ATXN1: variants seen among roughly 807,000 people sequenced by gnomAD.
ATXN1 encodes the protein ataxin 1.
In ATXN1, 8 loss-of-function variants were observed where a neutral mutation model predicts 56.4. The ratio of observed to expected loss-of-function variants is 0.14; its 90% CI spans 0.08 to 0.26. The LOEUF is 0.26. ATXN1 is among the 10% of genes least tolerant of loss of function. The pLI, the probability that ATXN1 is intolerant of heterozygous loss-of-function variation, is 1.00. For missense variants in ATXN1, 987 were observed against 1,106.5 expected (o/e 0.89, Z 1.53); for synonymous variants, 514 against 494.6 (o/e 1.04, Z -0.52).
intron 6 of ATXN1, among the ~76,000 whole-genome samples, chr6:16,421,745 C>T (rs866487716): frequency 1.3e-5 from 2 of 151,662 alleles, no homozygotes; most frequent in Non-Finnish European, 1.5e-5. Context: ...CACAAATGCA[C>T]ATGTGTGGGT....
chr6:16,430,512 A>G (rs977249943), intron 6 of ATXN1, among the ~76,000 whole-genome samples: 1 of 152,142 alleles, frequency 6.6e-6, no homozygotes, highest in African/African-American at 2.4e-5. Flanking sequence ...GCCTTTTACC[A>G]CCAATAATTT....
intron 2 of ATXN1, among the ~76,000 whole-genome samples, chr6:16,733,629 G>A (rs1212300106): frequency 2.0e-5 from 3 of 152,142 alleles, no homozygotes. Flanking sequence ...ACTTTGGGAG[G>A]CCGAGGTCGG....
At chr6:16,526,765 C>CAA (rs34515868) in intron 4 of ATXN1, among the ~76,000 whole-genome samples, 120 of 116,516 alleles carry the variant, frequency 1.0e-3, no homozygotes, top group South Asian at 2.2e-3. Context: ...AACTTCATCT[C>CAA]AAAAAAAAAA....
intron 3 of ATXN1, among the ~76,000 whole-genome samples, chr6:16,654,236 T>C (rs1033508078): frequency 2.0e-5 from 3 of 151,966 alleles, no homozygotes; most frequent in Admixed American, 1.3e-4. Context: ...CTAAATGTGA[T>C]AGAAGTTCAT....
At chr6:16,314,245 T>C (rs1760463099) in intron 7 of ATXN1, among the ~76,000 whole-genome samples, 1 of 152,242 alleles carries the variant, frequency 6.6e-6, no homozygotes, top group African/African-American at 2.4e-5. Flanking sequence ...GTTGCACACA[T>C]CTCAAATAGG....
chr6:16,387,542 G>T (rs1007058437), intron 6 of ATXN1, among the ~76,000 whole-genome samples: 1 of 152,114 alleles, frequency 6.6e-6, no homozygotes, highest in African/African-American at 2.4e-5. Context: ...AAAGGAGTGG[G>T]GCCATTCTGA....
intron 3 of ATXN1, among the ~76,000 whole-genome samples, chr6:16,617,472 C>G (rs58798370): frequency 0.045 from 6,897 of 151,780 alleles, 487 homozygotes; most frequent in African/African-American, 0.16. Flanking sequence ...CTTCTAAACT[C>G]ATAGAATCAA....
At chr6:16,757,149 T>C (rs540570959) in intron 1 of ATXN1, among the ~76,000 whole-genome samples, 5 of 152,326 alleles carry the variant, frequency 3.3e-5, no homozygotes, top group Non-Finnish European at 5.9e-5. Context: ...CTAAAGAGTT[T>C]CTGTTTAATC....
At chr6:16,556,433 T>C (rs539419560) in intron 4 of ATXN1, among the ~76,000 whole-genome samples, 8 of 152,242 alleles carry the variant, frequency 5.3e-5, no homozygotes, top group Non-Finnish European at 1.2e-4. Context: ...TAAAATACAA[T>C]TGCTGCCTTC....
At chr6:16,346,251 A>AT (rs1761385371) in intron 6 of ATXN1, among the ~76,000 whole-genome samples, 1 of 152,024 alleles carries the variant, frequency 6.6e-6, no homozygotes, top group African/African-American at 2.4e-5. Flanking sequence ...ACAGGGTTAT[A>AT]TCATGTTGGC....
intron 5 of ATXN1, among the ~76,000 whole-genome samples, chr6:16,493,726 T>A (rs1338801887): frequency 6.6e-6 from 1 of 152,210 alleles, no homozygotes; most frequent in Non-Finnish European, 1.5e-5. Context: ...AGACGTTATA[T>A]GTCTTTGAGT....
At chr6:16,430,727 G>A (rs540478766) in intron 6 of ATXN1, among the ~76,000 whole-genome samples, 6 of 102,010 alleles carry the variant, frequency 5.9e-5, no homozygotes, top group South Asian at 6.4e-4. Context: ...GTGTGTGCGC[G>A]TGTGTGTGTG....
At chr6:16,734,274 T>A (rs1465479283) in intron 2 of ATXN1, among the ~76,000 whole-genome samples, 4 of 152,126 alleles carry the variant, frequency 2.6e-5, no homozygotes, top group African/African-American at 9.7e-5. Context: ...AAAAATATTG[T>A]CATCTCACCA....
chr6:16,494,311 C>A (rs951442675), intron 5 of ATXN1, among the ~76,000 whole-genome samples: 2 of 152,134 alleles, frequency 1.3e-5, no homozygotes, highest in African/African-American at 4.8e-5. Context: ...TGGGAGTTAT[C>A]CATTGTAAAA....
At chr6:16,419,097 C>A (rs1003918520) in intron 6 of ATXN1, among the ~76,000 whole-genome samples, 1 of 152,120 alleles carries the variant, frequency 6.6e-6, no homozygotes, top group African/African-American at 2.4e-5. Flanking sequence ...ATATGTCTTA[C>A]AACTGTCATG....
At chr6:16,416,109 A>C (rs76500024) in intron 6 of ATXN1, among the ~76,000 whole-genome samples, 4 of 150,632 alleles carry the variant, frequency 2.7e-5, no homozygotes, top group South Asian at 2.1e-4. Flanking sequence ...AAAAAAAAAA[A>C]CCCAGGCTTT....
chr6:16,359,228 C>T (rs1761756680), intron 6 of ATXN1, among the ~76,000 whole-genome samples: 1 of 152,130 alleles, frequency 6.6e-6, no homozygotes, highest in African/African-American at 2.4e-5. Context: ...CACCTTCAGG[C>T]GAGGGAGGGC....
Position 16,437,350 on chromosome 6 carries a change from G to A in ATXN1, c.-161+48622C>T, listed in dbSNP as rs1162933580. Among the ~76,000 whole-genome samples the A allele has an allele frequency of 6.6e-5, 10 of 152,288 alleles. 1 individual carries two copies. The South Asian group carries it at 1.9e-3, about 28-fold the overall frequency. ...ACCCCCGTGGAAGGCTACTTGATGC[G>A]GATAAGTTCCATCCACTGGCAAACC... is the stretch of plus-strand genomic sequence containing the variant. On this transcript the variant is annotated intron_variant, in intron 6 of 7. Transcript: ENST00000436367.
chr6:16,325,210 C>T (rs1036205478), intron 7 of ATXN1, among the ~76,000 whole-genome samples: 21 of 151,988 alleles, frequency 1.4e-4, no homozygotes, highest in Admixed American at 1.3e-3. Context: ...CCCCACCTCC[C>T]GGGTTCATGC....
Sources: allele counts gnomAD v4.1 joint callset (sites outside exome capture counted in the v4.1 genomes callset), GRCh38; gene constraint gnomAD v4.1.1; transcripts MANE v1.5; gene names NCBI Gene and HGNC (gene_info 2026-07-23, HGNC 2026-07-21).